ZNF600: variants seen among roughly 807,000 people sequenced by gnomAD.
ZNF600 encodes the protein zinc finger protein 600.
In ZNF600, 4 loss-of-function variants were observed where a neutral mutation model predicts 7.3. That is an observed-to-expected ratio of 0.55 (90% CI 0.27 to 1.25). The LOEUF is 1.25. Ranked by LOEUF, ZNF600 falls within the 50% of genes most tolerant of loss-of-function variation. The pLI is 0.12. For missense variants in ZNF600, 911 were observed against 922.1 expected (o/e 0.99, Z 0.16); for synonymous variants, 290 against 308.9 (o/e 0.94, Z 0.64).
At chr19:52,831,603 C>G in the ZNF600 span, among the ~76,000 whole-genome samples, 2 of 151,746 alleles carry the variant, frequency 1.3e-5, no homozygotes, top group African/African-American at 4.8e-5. Flanking sequence ...CCCAGATTCA[C>G]GCCACTCTCC....
At chr19:52,781,096 G>T (rs967147679) in intron 1 of ZNF600, 41 bp from the exon 3 acceptor site, 1 of 152,040 alleles carries the variant, frequency 6.6e-6, no homozygotes, top group South Asian at 2.1e-4. Flanking sequence ...TTAAAGCTGT[G>T]AGATGATAAG....
chr19:52,813,784 T>G, the ZNF600 span, among the ~76,000 whole-genome samples: 5 of 146,752 alleles, frequency 3.4e-5, 1 homozygote, highest in African/African-American at 1.3e-4. Flanking sequence ...CCCTTCCCCA[T>G]GGGGAAATGC....
the ZNF600 span, chr19:52,800,582 T>C: frequency 3.1e-6 from 5 of 1,612,072 alleles, no homozygotes; most frequent in African/African-American, 1.3e-5. Context: ...ATGAATTATA[T>C]GCAAAAGCCT....
the ZNF600 span, among the ~76,000 whole-genome samples, chr19:52,812,300 A>G: frequency 7.1e-6 from 1 of 141,110 alleles, no homozygotes; most frequent in Non-Finnish European, 1.5e-5. Flanking sequence ...CCATGATGAC[A>G]ATGGCGGTTT....
At chr19:52,818,564 G>A in the ZNF600 span, among the ~76,000 whole-genome samples, 1 of 152,020 alleles carries the variant, frequency 6.6e-6, no homozygotes, top group Non-Finnish European at 1.5e-5. Flanking sequence ...AATACAAAAA[G>A]TAGCCGGGCT....
exon 4 of ZNF600, chr19:52,767,495 A>C: frequency 1.2e-6 from 2 of 1,614,188 alleles, no homozygotes; most frequent in Non-Finnish European, 1.7e-6. Flanking sequence ...AGCTTGATCC[A>C]AGCTGATCTT....
chr19:52,802,886 C>T, the ZNF600 span, among the ~76,000 whole-genome samples: 4 of 150,974 alleles, frequency 2.6e-5, no homozygotes, highest in East Asian at 7.9e-4. Context: ...TCAGCCTCCC[C>T]AGCAGCTTGG....
chr19:52,807,989 C>T, the ZNF600 span: 2 of 1,612,742 alleles, frequency 1.2e-6, no homozygotes, highest in African/African-American at 2.7e-5. Context: ...GGGCACATCC[C>T]CAGGAGGTTA....
chr19:52,771,496 C>CA (rs1226407567), intron 3 of ZNF600, among the ~76,000 whole-genome samples: 1 of 151,104 alleles, frequency 6.6e-6, no homozygotes, highest in African/African-American at 2.4e-5. Flanking sequence ...TTTTTGGAAA[C>CA]AGAGTCTCAC....
At chr19:52,810,823 TA>T in the ZNF600 span, 11 of 277,320 alleles carry the variant, frequency 4.0e-5, no homozygotes, top group Non-Finnish European at 6.6e-5. Context: ...AATATATATA[TA>T]TTTTTAAAAA....
Position 52,765,952 on chromosome 19 carries a change from T to C in ZNF600, c.2011A>G (p.Arg671Gly), listed in dbSNP as rs373767440. ...TAAGGTTTCTCTGCAGTGTGAATTCTGGTATGTCTTGCCAGGTATGAATTA... is the reference window on the plus strand; with the variant it reads ...TAAGGTTTCTCTGCAGTGTGAATTCCGGTATGTCTTGCCAGGTATGAATTA... The change falls in exon 4 of 4, where the codon AGA (arginine) becomes GGA (glycine). Residue 671 changes from arginine (R) to glycine (G), a missense_variant. Transcript: ENST00000648973. 6 of 1,614,092 alleles carry C rather than the reference T, an allele frequency of 3.7e-6. No homozygotes were observed. The African/African-American group carries it at 8.0e-5, about 22-fold the overall frequency.
chr19:52,779,885 C>T (rs1162367851), intron 1 of ZNF600, among the ~76,000 whole-genome samples: 1 of 152,074 alleles, frequency 6.6e-6, no homozygotes, highest in African/African-American at 2.4e-5. Context: ...ACTAAAAATA[C>T]AAAACTGATC....
Position 52,780,302 on chromosome 19 carries a change from G to A in ZNF600, c.-19-1395C>T, listed in dbSNP as rs189037836. Among the ~76,000 whole-genome samples, 10 of 152,290 alleles carry A rather than the reference G, an allele frequency of 6.6e-5. No individual in the cohort carries two copies. The East Asian group carries it at 1.9e-3, about 29-fold the overall frequency. On this transcript the variant is annotated intron_variant, in intron 1 of 3. Coordinates refer to ENST00000648973, the Ensembl canonical transcript of ZNF600. Reference sequence around the variant, plus strand: ...GCTGCAGTGTCAAATGAGGGCTGTGGGAGATCACAAAGGAAACCCGGAGAA... The same window carrying A: ...GCTGCAGTGTCAAATGAGGGCTGTGAGAGATCACAAAGGAAACCCGGAGAA...
the ZNF600 span, among the ~76,000 whole-genome samples, chr19:52,829,228 ATTTTAC>A: frequency 7.3e-6 from 1 of 137,604 alleles, no homozygotes; most frequent in South Asian, 2.3e-4. Context: ...ATTTTATTTT[ATTTTAC>A]TTTAAGTTTT....
At chr19:52,770,688 G>A (rs1349527475) in intron 3 of ZNF600, among the ~76,000 whole-genome samples, 1 of 152,040 alleles carries the variant, frequency 6.6e-6, no homozygotes, top group Non-Finnish European at 1.5e-5. Flanking sequence ...ATGTTCCCTG[G>A]CCCGAATGTT....
At chr19:52,793,763 GCCAC>G in the ZNF600 span, among the ~76,000 whole-genome samples, 2 of 99,530 alleles carry the variant, frequency 2.0e-5, no homozygotes, top group South Asian at 3.3e-4. Context: ...GCCAAACTCT[GCCAC>G]ACACACACAC....
At chr19:52,791,511 T>G (rs10416157), upstream of ZNF600, among the ~76,000 whole-genome samples, 11,789 of 152,154 alleles carry the variant, frequency 0.077, 752 homozygotes, top group South Asian at 0.19. Context: ...GGAAGAGCCA[T>G]GCCTGGCTCC....
the ZNF600 span, chr19:52,810,826 T>A: frequency 7.8e-6 from 2 of 255,826 alleles, no homozygotes; most frequent in East Asian, 8.4e-5. Context: ...ATATATATAT[T>A]TTTAAAAAAA....
At chr19:52,827,434 GC>G in the ZNF600 span, among the ~76,000 whole-genome samples, 3 of 152,060 alleles carry the variant, frequency 2.0e-5, no homozygotes, top group African/African-American at 7.2e-5. Flanking sequence ...CAAATGTGGT[GC>G]CTGAACAATC....
Sources: allele counts gnomAD v4.1 joint callset (sites outside exome capture counted in the v4.1 genomes callset), GRCh38; gene constraint gnomAD v4.1.1; transcripts MANE v1.5; gene names NCBI Gene and HGNC (gene_info 2026-07-23, HGNC 2026-07-21).